Variants in LMTK2 observed in about 807,000 individuals in gnomAD.
LMTK2 encodes the protein serine/threonine-protein kinase LMTK2.
LMTK2 carries 37 observed loss-of-function variants against 127.5 expected under a neutral mutation model. The ratio of observed to expected loss-of-function variants is 0.29; its 90% CI spans 0.22 to 0.38. The LOEUF is 0.38. Ranked by LOEUF, LMTK2 falls within the 10% of genes least tolerant of loss-of-function variation. The pLI is 1.00. For missense variants in LMTK2, 1,694 were observed against 1,920.3 expected (o/e 0.88, Z 2.20); for synonymous variants, 819 against 810.1 (o/e 1.01, Z -0.19).
chr7:98,164,650 G>T (rs1020109341), intron 6 of LMTK2, among the ~76,000 whole-genome samples: 3 of 152,162 alleles, frequency 2.0e-5, no homozygotes, highest in African/African-American at 7.2e-5. Flanking sequence ...TCCTAACCAG[G>T]ATCACTGGGG....
chr7:98,122,737 A>C, intron 1 of LMTK2, among the ~76,000 whole-genome samples: 1 of 113,116 alleles, frequency 8.8e-6, no homozygotes, highest in Non-Finnish European at 1.9e-5. Context: ...TATATATATA[A>C]CTGGATCTCA....
intron 1 of LMTK2, among the ~76,000 whole-genome samples, chr7:98,109,577 C>T (rs1796168179): frequency 6.6e-6 from 1 of 151,852 alleles, no homozygotes; most frequent in Admixed American, 6.6e-5. Context: ...AATTCCCTCT[C>T]TACTAAATAT....
chr7:98,107,543 G>T (rs1232173860), intron 1 of LMTK2, among the ~76,000 whole-genome samples: 1 of 152,246 alleles, frequency 6.6e-6, no homozygotes, highest in Non-Finnish European at 1.5e-5. Flanking sequence ...TGCGGTGCCG[G>T]CCCTGGACCT....
chr7:98,191,456 G>A (rs1391839974), intron 10 of LMTK2, among the ~76,000 whole-genome samples, 158 bp from the exon 11 acceptor site: 8 of 151,962 alleles, frequency 5.3e-5, no homozygotes, highest in African/African-American at 1.9e-4. Context: ...GGAGGCTGAG[G>A]CAAGAGAATT....
At chr7:98,156,601 T>C (rs1796929658) in intron 5 of LMTK2, among the ~76,000 whole-genome samples, 1 of 152,228 alleles carries the variant, frequency 6.6e-6, no homozygotes, top group Non-Finnish European at 1.5e-5. Context: ...CTTGGCAGTT[T>C]CTTAAAAAAA....
intron 1 of LMTK2, among the ~76,000 whole-genome samples, chr7:98,125,304 A>C (rs1796429576): frequency 6.8e-6 from 1 of 148,140 alleles, no homozygotes; most frequent in South Asian, 2.1e-4. Flanking sequence ...CTCCGTCTCA[A>C]AAAAAAAAAA....
chr7:98,128,613 G>A (rs1186288212), intron 1 of LMTK2, among the ~76,000 whole-genome samples: 2 of 152,210 alleles, frequency 1.3e-5, no homozygotes, highest in Admixed American at 1.3e-4. Flanking sequence ...TAAGATTCCT[G>A]TTTTGTTCCT....
At chr7:98,153,989 A>C (rs1365562786) in intron 4 of LMTK2, among the ~76,000 whole-genome samples, 2 of 152,258 alleles carry the variant, frequency 1.3e-5, no homozygotes, top group Admixed American at 1.3e-4. Context: ...CAGGACATTA[A>C]AATTAATCTA....
In LMTK2 at chr7:98,192,192, T is replaced by C. The variant is rs753525564; in HGVS notation, c.1727T>C (p.Met576Thr). The change falls in exon 11 of 14, where the codon ATG (methionine) becomes ACG (threonine). Residue 576 changes from methionine (M) to threonine (T), a missense_variant. Physicochemically the swap from Met to Thr is moderately conservative, Grantham distance 81. Around this residue, in one of 8 missense-constraint regions of LMTK2, gnomAD observed 527 missense variants for 539.8 expected, o/e 0.98. Coordinates refer to ENST00000297293, the MANE Select transcript of LMTK2 (RefSeq NM_014916.4). ...CCACCAGCGCTGCTCACAACCGACA[T>C]GGATAATCCAGAAAGGACTGGCCCT... The part of the protein sequence containing the change: ...DYPPALLTTD[M>T]DNPERTGPEL... 4 of 1,523,766 alleles carry C rather than the reference T, an allele frequency of 2.6e-6. No homozygotes were observed. The highest frequency in any genetic ancestry group is 3.5e-6 in the Non-Finnish European group (4 of 1,139,106). The allele number at this position is 1,523,766 out of a possible 1,614,324, so 94.4% of individuals were successfully genotyped here.
At chr7:98,198,064 T>A (rs1036463749) in intron 11 of LMTK2, among the ~76,000 whole-genome samples, 7 of 151,716 alleles carry the variant, frequency 4.6e-5, no homozygotes, top group South Asian at 2.1e-4. Context: ...TGCTTTTGTT[T>A]TCATGGATTT....
intron 6 of LMTK2, among the ~76,000 whole-genome samples, chr7:98,161,350 T>C (rs750043348): frequency 1.3e-5 from 2 of 152,174 alleles, no homozygotes; most frequent in Non-Finnish European, 2.9e-5. Flanking sequence ...CTCCTAGAGC[T>C]CTCTCTCCAT....
chr7:98,157,648 A>AG (rs1171413402), intron 5 of LMTK2, among the ~76,000 whole-genome samples: 3 of 152,086 alleles, frequency 2.0e-5, no homozygotes, highest in Non-Finnish European at 4.4e-5. Context: ...ATTAAAAAAA[A>AG]AAAAAAAAAA....
chr7:98,174,227 A>G (rs1797242866), intron 7 of LMTK2, among the ~76,000 whole-genome samples: 1 of 152,064 alleles, frequency 6.6e-6, no homozygotes, highest in South Asian at 2.1e-4. Flanking sequence ...TTAAGTTGGA[A>G]TTTAGAATAT....
chr7:98,129,798 C>T (rs1295979829), intron 1 of LMTK2, among the ~76,000 whole-genome samples: 3 of 151,864 alleles, frequency 2.0e-5, no homozygotes, highest in Non-Finnish European at 4.4e-5. Flanking sequence ...TAACTTTTTT[C>T]CCTTTTTCTT....
intron 1 of LMTK2, among the ~76,000 whole-genome samples, chr7:98,109,175 C>G (rs1234819107): frequency 6.6e-6 from 1 of 152,048 alleles, no homozygotes; most frequent in African/African-American, 2.4e-5. Flanking sequence ...ACACTTCTTA[C>G]ACGGTTTTTA....
chr7:98,161,861 T>G (rs1002794356), intron 6 of LMTK2, among the ~76,000 whole-genome samples: 2 of 152,142 alleles, frequency 1.3e-5, no homozygotes, highest in Admixed American at 1.3e-4. Flanking sequence ...TTTTGGTCCC[T>G]AAGCTCCTTA....
chr7:98,116,336 G>A (rs1410584028), intron 1 of LMTK2, among the ~76,000 whole-genome samples: 3 of 152,124 alleles, frequency 2.0e-5, no homozygotes, highest in African/African-American at 7.2e-5. Flanking sequence ...AACTGAGGAT[G>A]ATGAAGATGA....
At chr7:98,130,761 A>G (rs1329760149) in intron 1 of LMTK2, among the ~76,000 whole-genome samples, 1 of 152,200 alleles carries the variant, frequency 6.6e-6, no homozygotes, top group Admixed American at 6.5e-5. Flanking sequence ...CCCTGCCACC[A>G]CAGCCCTCAG....
intron 1 of LMTK2, among the ~76,000 whole-genome samples, chr7:98,131,927 T>A (rs1796524936): frequency 6.6e-6 from 1 of 152,198 alleles, no homozygotes; most frequent in African/African-American, 2.4e-5. Flanking sequence ...CCGAGGTCTT[T>A]ACATTAGCAG....
Sources: allele counts gnomAD v4.1 joint callset (sites outside exome capture counted in the v4.1 genomes callset), GRCh38; gene constraint gnomAD v4.1.1; regional missense constraint gnomAD v4.1.1; transcripts MANE v1.5; gene names NCBI Gene and HGNC (gene_info 2026-07-23, HGNC 2026-07-21).